The following PHLPP2 variants were observed in gnomAD, a reference collection of about 807,000 sequenced individuals.
The protein encoded by PHLPP2 is PH domain and leucine rich repeat protein phosphatase 2.
PHLPP2 carries 66 observed loss-of-function variants against 124.9 expected under a neutral mutation model. That is an observed-to-expected ratio of 0.53 (90% CI 0.43 to 0.65). The LOEUF (loss-of-function observed/expected upper bound fraction) is 0.65, where lower values mean the gene tolerates loss of function less well. Ranked by LOEUF, PHLPP2 falls within the 30% of genes least tolerant of loss-of-function variation. PHLPP2 has a pLI of 0.00. For synonymous variants in PHLPP2, 681 were observed against 624.7 expected (o/e 1.09, Z -1.34); for missense variants, 1,685 against 1,600.4 (o/e 1.05, Z -0.90).
intron 13 of PHLPP2, among the ~76,000 whole-genome samples, chr16:71,662,074 G>A (rs572369793): frequency 1.7e-3 from 251 of 151,558 alleles, no homozygotes; most frequent in Non-Finnish European, 2.8e-3. Flanking sequence ...CGCCCGCCTC[G>A]GCCTGCCAAA....
At chr16:71,695,672 T>C (rs2045162003) in intron 3 of PHLPP2, among the ~76,000 whole-genome samples, 1 of 148,434 alleles carries the variant, frequency 6.7e-6, no homozygotes, top group Non-Finnish European at 1.5e-5. Flanking sequence ...GTCATGCCAC[T>C]GCACTCCAGC....
intron 1 of PHLPP2, among the ~76,000 whole-genome samples, chr16:71,722,252 C>A (rs1051349469): frequency 6.6e-6 from 1 of 151,870 alleles, no homozygotes; most frequent in Non-Finnish European, 1.5e-5. Context: ...GGAAACATAG[C>A]GCAACCCTGT....
intron 1 of PHLPP2, 101 bp from the exon 2 acceptor site, chr16:71,714,902 T>C: frequency 7.0e-7 from 1 of 1,425,316 alleles, no homozygotes; most frequent in Non-Finnish European, 9.3e-7. Context: ...TTCCCCAACA[T>C]TCTGCTCAAG....
chr16:71,718,440 C>T (rs191995890), intron 1 of PHLPP2, among the ~76,000 whole-genome samples: 406 of 151,324 alleles, frequency 2.7e-3, no homozygotes, highest in Non-Finnish European at 4.7e-3. Context: ...ATTAGCTGGG[C>T]GTGGTGGTGC....
chr16:71,677,905 T>A (rs1378787261), intron 8 of PHLPP2: 1 of 152,198 alleles, frequency 6.6e-6, no homozygotes, highest in African/African-American at 2.4e-5. Context: ...ATGTTCAACC[T>A]CACTGCTATG....
intron 12 of PHLPP2, among the ~76,000 whole-genome samples, chr16:71,664,988 C>T (rs2044826027): frequency 6.6e-6 from 1 of 151,938 alleles, no homozygotes; most frequent in South Asian, 2.1e-4. Context: ...AATATATTGC[C>T]AAACTGAGCT....
In PHLPP2 at chr16:71,676,485, C is replaced by T. The variant is rs766713840; in HGVS notation, c.1433G>A (p.Ser478Asn). 13 of 1,614,202 alleles carry T rather than the reference C, an allele frequency of 8.1e-6. No individual in the cohort carries two copies. In the South Asian group the frequency reaches 1.4e-4, roughly 18 times the overall value. ...ATAGAGGGTCCGAAGGGAAAAGCCA[C>T]TGAGTGTTAGCTCCCTCAGCTGATT... ...GRNQLRELTL[S>N]GFSLRTLYAS... Residue 478 changes from serine to asparagine, a missense_variant, in exon 9 of 19, where the codon AGT (serine) becomes AAT (asparagine). Coordinates refer to ENST00000568954, the MANE Select transcript of PHLPP2 (RefSeq NM_015020.3).
At chr16:71,654,765 TGAG>T (rs529191641) in intron 17 of PHLPP2, among the ~76,000 whole-genome samples, 90 of 152,364 alleles carry the variant, frequency 5.9e-4, no homozygotes, top group South Asian at 5.4e-3. Flanking sequence ...TATTCTAAGT[TGAG>T]GAGCATCTGT....
At chr16:71,664,127 T>C in intron 12 of PHLPP2, 28 bp from the exon 13 acceptor site, 2 of 1,491,538 alleles carry the variant, frequency 1.3e-6, no homozygotes, top group South Asian at 2.3e-5. Context: ...GATCATCACC[T>C]CCTTTAAGTT....
intron 4 of PHLPP2, among the ~76,000 whole-genome samples, chr16:71,689,527 G>C (rs1044572319): frequency 7.9e-5 from 12 of 151,590 alleles, no homozygotes; most frequent in African/African-American, 2.4e-4. Context: ...CAAGTAACTG[G>C]GATTACAGGC....
rs1394778309 is a variant in PHLPP2 at position 71,690,649 on chromosome 16, C to A, written c.479G>T (p.Arg160Leu). ...RILLSGIYNV[R>L]KGKTQLHKWA... ...CTTATGCAGCTGGGTCTTTCCCTTG[C>A]GTACATTATAGATGCCAGACAATAG... Residue 160 changes from arginine to leucine, a missense_variant, in exon 4 of 19, where the codon CGC becomes CTC. By Grantham distance (102) the Arg-to-Leu change is moderately radical. Coordinates refer to ENST00000568954, the MANE Select transcript of PHLPP2 (RefSeq NM_015020.3). 5 of 1,613,526 alleles carry A rather than the reference C, an allele frequency of 3.1e-6. No individual in the cohort carries two copies. Among genetic ancestry groups the A allele is most frequent in the South Asian group, 1.1e-5 (1 of 91,064 alleles).
At position 71,645,450 on chromosome 16, in the gene PHLPP2, G is replaced by A. The variant is rs1596981981; in HGVS notation, c.*3440C>T. 1 of 152,608 alleles carries A rather than the reference G, an allele frequency of 6.6e-6. No individual in the cohort carries two copies. Among genetic ancestry groups the A allele is most frequent in the Admixed American group, 6.5e-5 (1 of 15,270 alleles). 9.5% of individuals were successfully genotyped at this position (152,608 alleles called of 1,614,324 possible). On this transcript the variant is annotated 3_prime_UTR_variant, in exon 19 of 19. Coordinates refer to ENST00000568954, the MANE Select transcript of PHLPP2 (RefSeq NM_015020.3). ...TGAAGACATCACTGAATGGCTTGGA[G>A]ACTAATTATTTAATAATTGGTACAT...
At position 71,690,508 on chromosome 16, in the gene PHLPP2, G is replaced by T; in HGVS notation, c.609+11C>A. 6.5e-7 allele frequency: 1 copy of T among 1,546,112 alleles called. No homozygotes were observed. Among genetic ancestry groups the T allele is most frequent in the Non-Finnish European group, 8.8e-7 (1 of 1,131,582 alleles). ...ATCAAATGAAAAATAATTCATCTTT[G>T]TGAGTCTTACCTTTCCACCAACCAG... On this transcript the variant is annotated intron_variant, in intron 4 of 18. Coordinates refer to ENST00000568954, the MANE Select transcript of PHLPP2 (RefSeq NM_015020.3).
chr16:71,713,923 CA>C (rs36116199), intron 2 of PHLPP2, among the ~76,000 whole-genome samples: 2 of 135,880 alleles, frequency 1.5e-5, no homozygotes, highest in Middle Eastern at 3.4e-3. Flanking sequence ...TTACACTTTT[CA>C]AAAAAAAAAC....
At chr16:71,708,099 T>A (rs578019790) in intron 2 of PHLPP2, among the ~76,000 whole-genome samples, 4 of 152,162 alleles carry the variant, frequency 2.6e-5, no homozygotes, top group Admixed American at 6.5e-5. Flanking sequence ...GAAGCAGCCC[T>A]GAGAAACATC....
chr16:71,718,185 AC>A (rs2045375680), intron 1 of PHLPP2, among the ~76,000 whole-genome samples: 1 of 151,996 alleles, frequency 6.6e-6, no homozygotes, highest in South Asian at 2.1e-4. Context: ...GAGCCACCAC[AC>A]CAGGCCTGAT....
rs777230983 is a variant in PHLPP2 at position 71,658,251 on chromosome 16, T to C, written c.2261A>G (p.Lys754Arg). ...TTCCTACCTAAATATGTCCAGTGTCTTGTGTTCCAGAACCAGATTTGTATT... is the reference window on the plus strand; with the variant it reads ...TTCCTACCTAAATATGTCCAGTGTCCTGTGTTCCAGAACCAGATTTGTATT... ...TGNTNLVLEH[K>R]TLDIFSHITT... The change falls in exon 15 of 19, where the codon AAG (lysine) becomes AGG (arginine). Residue 754 changes from lysine to arginine, a missense_variant. Physicochemically the swap from Lys to Arg is conservative, Grantham distance 26. Transcript: ENST00000568954. 4 of 1,613,906 alleles carry C rather than the reference T, an allele frequency of 2.5e-6. No homozygotes were observed. Among genetic ancestry groups the C allele is most frequent in the Middle Eastern group, 1.7e-4 (1 of 6,060 alleles).
At chr16:71,657,796 GA>G (rs2044754805) in intron 15 of PHLPP2, among the ~76,000 whole-genome samples, 2 of 152,338 alleles carry the variant, frequency 1.3e-5, no homozygotes, top group South Asian at 4.2e-4. Context: ...AGAAGGAGGG[GA>G]GAGAAAGGAA....
chr16:71,673,052 T>C (rs2044908954), intron 9 of PHLPP2, among the ~76,000 whole-genome samples: 1 of 152,246 alleles, frequency 6.6e-6, no homozygotes, highest in Non-Finnish European at 1.5e-5. Context: ...TTCATTCTCA[T>C]GCCTGTAAAA....
Sources: gnomAD v4.1 joint callset for allele counts (sites outside exome capture counted in the v4.1 genomes callset) on GRCh38, gnomAD v4.1.1 for gene constraint, MANE v1.5 for transcripts, NCBI Gene and HGNC (gene_info 2026-07-23, HGNC 2026-07-21) for gene names.